DGKB: variants seen among roughly 807,000 people sequenced by gnomAD.
DGKB encodes diacylglycerol kinase beta.
Under a neutral mutation model 114.3 loss-of-function variants are expected in DGKB, and 67 were observed. The observed-to-expected ratio is 0.59, with a 90% CI of 0.48 to 0.72. DGKB has a LOEUF of 0.72. DGKB is among the 30% of genes least tolerant of loss of function. DGKB has a pLI of 0.00. For synonymous variants in DGKB, 398 were observed against 323.1 expected (o/e 1.23, Z -2.49); for missense variants, 907 against 975.2 (o/e 0.93, Z 0.93).
intron 25 of DGKB, 116 bp downstream of exon 25, chr7:14,176,723 A>T: frequency 1.3e-6 from 2 of 1,531,328 alleles, no homozygotes; most frequent in South Asian, 2.5e-5. Context: ...CAACAAAAAG[A>T]CTATTTGCTG....
At chr7:14,503,255 C>G (rs756086526) in intron 20 of DGKB, among the ~76,000 whole-genome samples, 1 of 152,058 alleles carries the variant, frequency 6.6e-6, no homozygotes, top group African/African-American at 2.4e-5. Flanking sequence ...AGTTTTTAGA[C>G]AGTTTGGTAA....
intron 17 of DGKB, among the ~76,000 whole-genome samples, chr7:14,587,325 C>T (rs1017433291): frequency 1.3e-5 from 2 of 151,854 alleles, no homozygotes; most frequent in Non-Finnish European, 2.9e-5. Flanking sequence ...ACTGAATTGC[C>T]GCAATCTCAT....
At chr7:14,474,220 A>G (rs147127524) in intron 21 of DGKB, among the ~76,000 whole-genome samples, 520 of 152,228 alleles carry the variant, frequency 3.4e-3, no homozygotes, top group African/African-American at 0.012. Flanking sequence ...TGCTGTTCTT[A>G]TGATAGTGAG....
intron 20 of DGKB, among the ~76,000 whole-genome samples, chr7:14,483,949 C>T (rs984964984): frequency 6.6e-6 from 1 of 151,734 alleles, no homozygotes; most frequent in East Asian, 1.9e-4. Context: ...TGAGACAATA[C>T]ATTTCTGTTG....
chr7:14,868,841 C>T (rs962720543), intron 1 of DGKB, among the ~76,000 whole-genome samples: 3 of 152,158 alleles, frequency 2.0e-5, no homozygotes, highest in Middle Eastern at 3.2e-3. Context: ...CTAGCAGATT[C>T]TGTTGCATAT....
rs138168208 is a variant in DGKB at position 14,264,912 on chromosome 7, A to G, written c.2122+73603T>C. Among the ~76,000 whole-genome samples the G allele has an allele frequency of 5.4e-3, 825 of 152,310 alleles. 5 individuals are homozygous for G. Among genetic ancestry groups the G allele is most frequent in the Non-Finnish European group, 9.3e-3 (633 of 68,022 alleles). The stretch of plus-strand genomic sequence containing the variant: ...ACTAAAATGTGTGAAGGGTTGTCAT[A>G]CAGTAATAAATAACTGAAACAAAGA... On this transcript the variant is annotated intron_variant, in intron 23 of 25. Coordinates refer to ENST00000402815, the MANE Select transcript of DGKB (RefSeq NM_001350709.2).
intron 2 of DGKB, among the ~76,000 whole-genome samples, chr7:14,790,216 C>G (rs10273475): frequency 0.37 from 55,622 of 151,940 alleles, 11,717 homozygotes; most frequent in African/African-American, 0.59. Context: ...TATGTGTTTT[C>G]CAAGTATGTT....
intron 21 of DGKB, among the ~76,000 whole-genome samples, chr7:14,394,955 A>T (rs1821996681): frequency 6.6e-6 from 1 of 152,130 alleles, no homozygotes; most frequent in Admixed American, 6.5e-5. Context: ...TATGTAGAAA[A>T]TACCACTGCC....
At chr7:14,819,236 T>C (rs2128098838) in intron 2 of DGKB, among the ~76,000 whole-genome samples, 1 of 152,302 alleles carries the variant, frequency 6.6e-6, no homozygotes, top group Non-Finnish European at 1.5e-5. Flanking sequence ...TTAAGATATA[T>C]GTGTTCTTTC....
intron 20 of DGKB, among the ~76,000 whole-genome samples, chr7:14,485,678 C>G (rs886577125): frequency 6.6e-6 from 1 of 151,584 alleles, no homozygotes; most frequent in African/African-American, 2.4e-5. Context: ...ACAGGCAGAT[C>G]ACTTGAGACC....
chr7:14,896,508 G>A (rs1198740054), intron 1 of DGKB, among the ~76,000 whole-genome samples: 2 of 151,370 alleles, frequency 1.3e-5, no homozygotes, highest in Non-Finnish European at 3.0e-5. Context: ...AATATTTTTA[G>A]ATTTAGATTT....
Position 14,696,028 on chromosome 7 carries a change from T to G in DGKB, c.592-1834A>C, listed in dbSNP as rs1880548. On this transcript the variant is annotated intron_variant, in intron 8 of 25. Coordinates refer to ENST00000402815, the MANE Select transcript of DGKB (RefSeq NM_001350709.2). ...TATAGTTTATTACTTGTATTCTCCATTCAATAATCTGACAAATACACTAGG... is the reference window on the plus strand; with the variant it reads ...TATAGTTTATTACTTGTATTCTCCAGTCAATAATCTGACAAATACACTAGG... Among the ~76,000 whole-genome samples, 1,040 of 152,212 alleles carry G rather than the reference T, an allele frequency of 6.8e-3. 10 individuals carry two copies. Among genetic ancestry groups the G allele is most frequent in the African/African-American group, 0.023 (965 of 41,522 alleles).
chr7:14,570,840 A>G (rs1008026520), intron 20 of DGKB, among the ~76,000 whole-genome samples: 3 of 152,088 alleles, frequency 2.0e-5, no homozygotes, highest in Non-Finnish European at 4.4e-5. Context: ...AAAAAAATCG[A>G]TAAGTTGACC....
rs186263442 is a variant in DGKB at position 14,733,528 on chromosome 7, A to T, written c.322+2513T>A. The stretch of plus-strand genomic sequence containing the variant: ...ATGGTAAAACCCTATCTCTACTAAA[A>T]ATACAAAAATTGGCTGGGCATTTTG... On this transcript the variant is annotated intron_variant, in intron 5 of 25. Coordinates refer to ENST00000402815, the MANE Select transcript of DGKB (RefSeq NM_001350709.2). Among the ~76,000 whole-genome samples, 226 of 152,126 alleles carry T rather than the reference A, an allele frequency of 1.5e-3. No individual in the cohort carries two copies. In the Middle Eastern group the frequency reaches 0.02, roughly 14 times the overall value.
At chr7:14,242,230 A>G (rs17709341) in intron 23 of DGKB, among the ~76,000 whole-genome samples, 4,543 of 152,202 alleles carry the variant, frequency 0.03, 107 homozygotes, top group Non-Finnish European at 0.05. Flanking sequence ...TCCAGTGTAG[A>G]CTGAGTTCTC....
Position 14,841,641 on chromosome 7 carries a change from C to T in DGKB, c.-187-191G>A, listed in dbSNP as rs1056840815. 2.0e-4 allele frequency among the ~76,000 whole-genome samples: 31 copies of T among 152,064 alleles called. 1 individual carries two copies. The highest frequency in any genetic ancestry group is 7.2e-4 in the African/African-American group (30 of 41,414). Reference sequence around the variant, plus strand: ...GTCTAGTTTTACAAACTCCACATTCCACGAGTAGACAGTGGTATCATTTTT... The same window carrying T: ...GTCTAGTTTTACAAACTCCACATTCTACGAGTAGACAGTGGTATCATTTTT... On this transcript the variant is annotated intron_variant, in intron 1 of 25. Coordinates refer to ENST00000402815, the MANE Select transcript of DGKB (RefSeq NM_001350709.2).
chr7:14,682,885 T>C (rs1481240956), intron 10 of DGKB, 44 bp from the exon 11 acceptor site: 1 of 1,365,846 alleles, frequency 7.3e-7, no homozygotes, highest in Non-Finnish European at 1.0e-6. Context: ...ATCCTGGTCC[T>C]GGTTGTAATT....
At chr7:14,833,358 G>C (rs1281030333) in intron 2 of DGKB, among the ~76,000 whole-genome samples, 1 of 151,456 alleles carries the variant, frequency 6.6e-6, no homozygotes, top group Non-Finnish European at 1.5e-5. Context: ...AATTAATATT[G>C]AAGATATTGA....
At chr7:14,571,463 T>C (rs997751267) in intron 20 of DGKB, among the ~76,000 whole-genome samples, 1 of 152,192 alleles carries the variant, frequency 6.6e-6, no homozygotes, top group Non-Finnish European at 1.5e-5. Flanking sequence ...AAACTGACTT[T>C]AGGGCCAGCA....
Sources: allele counts gnomAD v4.1 joint callset (sites outside exome capture counted in the v4.1 genomes callset), GRCh38; gene constraint gnomAD v4.1.1; transcripts MANE v1.5; gene names NCBI Gene and HGNC (gene_info 2026-07-23, HGNC 2026-07-21).